TYW3: variants seen among roughly 807,000 people sequenced by gnomAD.
The protein encoded by TYW3 is tRNA wybutosine-synthesizing protein 3 homolog.
In TYW3, 26 loss-of-function variants were observed where a neutral mutation model predicts 23.1. The ratio of observed to expected loss-of-function variants is 1.13; its 90% CI spans 0.83 to 1.56. The LOEUF (loss-of-function observed/expected upper bound fraction) is 1.56, where lower values mean the gene tolerates loss of function less well. TYW3 is among the 40% of genes most tolerant of loss of function. The pLI is 0.00. For synonymous variants in TYW3, 102 were observed against 105.7 expected, an observed-to-expected ratio of 0.97 and a Z score of 0.21; for missense variants, 316 against 311.9, an observed-to-expected ratio of 1.01 and a Z score of -0.10.
chr1:74,748,951 T>G, intron 4 of TYW3, 129 bp downstream of exon 4: 1 of 833,124 alleles, frequency 1.2e-6, no homozygotes, highest in Non-Finnish European at 1.9e-6. Flanking sequence ...TCATAAACCC[T>G]CAGTGACTTA....
chr1:74,760,396 A>G (rs1649101511), intron 5 of TYW3, among the ~76,000 whole-genome samples: 1 of 152,274 alleles, frequency 6.6e-6, no homozygotes, highest in African/African-American at 2.4e-5. Context: ...AGTAAATAAT[A>G]TAAAGCGAAA....
At chr1:74,736,018 C>T (rs1648142093) in intron 1 of TYW3, among the ~76,000 whole-genome samples, 1 of 152,100 alleles carries the variant, frequency 6.6e-6, no homozygotes, top group African/African-American at 2.4e-5. Flanking sequence ...ACCTTTCAGT[C>T]TTAGCTCCAT....
chr1:74,744,305 A>T (rs1251421949), intron 3 of TYW3, among the ~76,000 whole-genome samples: 2 of 152,008 alleles, frequency 1.3e-5, no homozygotes, highest in Non-Finnish European at 2.9e-5. Context: ...AAGCTGCAGG[A>T]TAGTATTGTA....
In TYW3 at chr1:74,745,021, C is replaced by T. The variant is rs570155495; in HGVS notation, c.355-3730C>T. On this transcript the variant is annotated intron_variant, in intron 3 of 5. Transcript: ENST00000370867. ...GGCGCGTCCAGAGTTGTTTGTTCCT[C>T]CTGGTGGGTTCGTGGTCTCACTGAC... is the stretch of plus-strand genomic sequence containing the variant. Among the ~76,000 whole-genome samples, 7 of 151,746 alleles carry T rather than the reference C, an allele frequency of 4.6e-5. No homozygotes were observed. The East Asian group carries it at 1.4e-3, about 30-fold the overall frequency.
chr1:74,737,778 C>G (rs1188553062), intron 2 of TYW3, among the ~76,000 whole-genome samples: 1 of 152,162 alleles, frequency 6.6e-6, no homozygotes, highest in Non-Finnish European at 1.5e-5. Context: ...GTACCTGACT[C>G]AAGGTCACTA....
At chr1:74,744,736 G>GA (rs1237458909) in intron 3 of TYW3, among the ~76,000 whole-genome samples, 1 of 152,198 alleles carries the variant, frequency 6.6e-6, no homozygotes, top group East Asian at 1.9e-4. Context: ...GACACTCATG[G>GA]TGAGTGTTAC....
intron 3 of TYW3, 48 bp downstream of exon 3, chr1:74,738,836 A>T: frequency 1.4e-6 from 2 of 1,447,516 alleles, no homozygotes; most frequent in Non-Finnish European, 1.9e-6. Flanking sequence ...ATGTGGGTAG[A>T]TGTAATTTTA....
rs1157193256 is a variant in TYW3 at position 74,752,435 on chromosome 1, TTGGGTATTTCCA to T, written c.560+13_560+24del. The T allele has an allele frequency of 6.2e-7, 1 of 1,611,456 alleles. No individual in the cohort carries two copies. Among genetic ancestry groups the T allele is most frequent in the Admixed American group, 1.7e-5 (1 of 59,860 alleles). On this transcript the variant is annotated intron_variant, in intron 5 of 5. Coordinates refer to ENST00000370867, the MANE Select transcript of TYW3 (RefSeq NM_138467.3). ...AGAAAAGAATTGAGAGGTATATTAA[TTGGGTATTTCCA>T]TGTTATTCTTATATGCCTAGATCAT...
At chr1:74,734,802 G>A (rs277374) in intron 1 of TYW3, among the ~76,000 whole-genome samples, 33,081 of 152,124 alleles carry the variant, frequency 0.22, 3,873 homozygotes, top group Middle Eastern at 0.29. Flanking sequence ...GGAGAAAATA[G>A]GATAATTTTT....
At chr1:74,739,561 T>C (rs1648279194) in intron 3 of TYW3, among the ~76,000 whole-genome samples, 1 of 152,222 alleles carries the variant, frequency 6.6e-6, no homozygotes, top group Non-Finnish European at 1.5e-5. Context: ...TGGAAAAGTA[T>C]ATACAAAGTT....
chr1:74,752,353 C>A lies in TYW3; in HGVS notation c.488C>A (p.Thr163Lys), dbSNP rs764657500. Reference protein sequence around the residue: ...PLSHKGKLMVTEEYIDFLLNV... With the variant: ...PLSHKGKLMVKEEYIDFLLNV... ...AGCCATAAGGGAAAACTGATGGTGACAGAGGAATATATTGACTTCCTGTTA... is the reference window on the plus strand; with the variant it reads ...AGCCATAAGGGAAAACTGATGGTGAAAGAGGAATATATTGACTTCCTGTTA... Residue 163 changes from threonine to lysine, a missense_variant, in exon 5 of 6, where the codon ACA (threonine) becomes AAA (lysine). Coordinates refer to ENST00000370867, the MANE Select transcript of TYW3 (RefSeq NM_138467.3). 2 of 1,613,074 alleles carry A rather than the reference C, an allele frequency of 1.2e-6. No homozygotes were observed. Among genetic ancestry groups the A allele is most frequent in the Non-Finnish European group, 1.7e-6 (2 of 1,179,474 alleles).
rs1293025026 is a variant in TYW3, at chr1:74,733,304, C to G, written c.60C>G (p.Leu20=). The change falls in exon 1 of 6, where the codon CTC becomes CTG. Residue 20 remains leucine, a synonymous_variant. Coordinates refer to ENST00000370867, the MANE Select transcript of TYW3 (RefSeq NM_138467.3). ...CGCAATGTTTGAGCAAAGCGGACCT[C>G]AGCCGGAAGGGCAGTGTTGACGAGG... The part of the protein sequence containing the change: ...WKAQCLSKAD[L]SRKGSVDEDV... 6 of 1,614,228 alleles carry G rather than the reference C, an allele frequency of 3.7e-6. No homozygotes were observed. The highest frequency in any genetic ancestry group is 1.6e-4 in the Middle Eastern group (1 of 6,062).
intron 3 of TYW3, among the ~76,000 whole-genome samples, chr1:74,740,590 G>A (rs1476535883): frequency 6.6e-6 from 1 of 152,178 alleles, no homozygotes; most frequent in African/African-American, 2.4e-5. Flanking sequence ...CAATCCTTTA[G>A]CTAGACATAG....
chr1:74,739,930 G>A (rs1252202117), intron 3 of TYW3, among the ~76,000 whole-genome samples: 1 of 152,192 alleles, frequency 6.6e-6, no homozygotes, highest in Non-Finnish European at 1.5e-5. Flanking sequence ...ACAGCCAGAG[G>A]GAGGAGGAGA....
intron 5 of TYW3, among the ~76,000 whole-genome samples, chr1:74,756,313 G>A (rs1648952231): frequency 6.6e-6 from 1 of 152,158 alleles, no homozygotes; most frequent in South Asian, 2.1e-4. Context: ...GGAAAATGTG[G>A]GAAAGTTTGG....
chr1:74,733,158 G>C lies in TYW3; in HGVS notation c.-87G>C, dbSNP rs540027809. On this transcript the variant is annotated 5_prime_UTR_variant, in exon 1 of 6. Transcript: ENST00000370867. ...ACGAAGAGGAAGTTTGGACCTTTTC[G>C]GCCACCGCTCGCTTCAATATGGCTG... The C allele has an allele frequency of 6.7e-7, 1 of 1,500,080 alleles. No homozygotes were observed. Among genetic ancestry groups the C allele is most frequent in the Non-Finnish European group, 8.9e-7 (1 of 1,121,970 alleles). The allele number at this position is 1,500,080 out of a possible 1,614,324, so 92.9% of individuals were successfully genotyped here. A position where few individuals can be genotyped will look rare whatever the true frequency, so the allele number is the denominator to read the frequency against.
chr1:74,750,579 A>G (rs1648747180), intron 4 of TYW3, among the ~76,000 whole-genome samples: 3 of 152,216 alleles, frequency 2.0e-5, no homozygotes, highest in Middle Eastern at 6.8e-3. Flanking sequence ...TAAAATAAAA[A>G]AAACCTCAGG....
intron 4 of TYW3, chr1:74,751,323 T>G (rs1648779637): frequency 6.6e-6 from 1 of 152,186 alleles, no homozygotes; most frequent in African/African-American, 2.4e-5. Context: ...CATGTTATAG[T>G]CACCCTGTAT....
intron 1 of TYW3, among the ~76,000 whole-genome samples, chr1:74,734,984 T>C (rs769810406): frequency 9.2e-5 from 14 of 152,304 alleles, no homozygotes; most frequent in South Asian, 4.1e-4. Flanking sequence ...TAGCAGGGCC[T>C]GTTCATTTTT....
Sources: allele counts gnomAD v4.1 joint callset (sites outside exome capture counted in the v4.1 genomes callset), GRCh38; gene constraint gnomAD v4.1.1; transcripts MANE v1.5; gene names NCBI Gene and HGNC (gene_info 2026-07-23, HGNC 2026-07-21).